The following GLI1 variants were observed in gnomAD, a reference collection of about 807,000 sequenced individuals.
GLI1 encodes transcription activator GLI1.
A neutral mutation model predicts 87.8 loss-of-function variants in GLI1; 51 were observed. The ratio of observed to expected loss-of-function variants is 0.58; its 90% CI spans 0.46 to 0.73. The LOEUF (loss-of-function observed/expected upper bound fraction) is 0.73. GLI1 is among the 30% of genes least tolerant of loss of function. GLI1 has a pLI of 0.00. For missense variants in GLI1, 1,292 were observed against 1,437.2 expected, an observed-to-expected ratio of 0.90 and a Z score of 1.63; for synonymous variants, 528 against 558.2, an observed-to-expected ratio of 0.95 and a Z score of 0.76.
intron 1 of GLI1, 135 bp from the exon 2 acceptor site, chr12:57,463,530 C>T (rs958502153): frequency 7.6e-5 from 50 of 653,656 alleles, no homozygotes; most frequent in Non-Finnish European, 1.3e-4. Flanking sequence ...ATGCTCTTTT[C>T]AACTCGAATT....
chr12:57,465,828 A>G lies in GLI1; in HGVS notation c.665A>G (p.Glu222Gly). Residue 222 changes from glutamate to glycine, a missense_variant, in exon 7 of 12, where the codon GAG (glutamate) becomes GGG (glycine). Physicochemically the swap from Glu to Gly is moderately conservative, Grantham distance 98. Transcript: ENST00000228682. ...ATGCTGGATGGGCGGGAGGACCTCG[A>G]GAGAGAGGAGAAGCGTGAGCCTGAA... Reference protein sequence around the residue: ...LGMLDGREDLEREEKREPESV... With the variant: ...LGMLDGREDLGREEKREPESV... 2 of 1,614,096 alleles carry G rather than the reference A, an allele frequency of 1.2e-6. No homozygotes were observed. The highest frequency in any genetic ancestry group is 2.2e-5 in the South Asian group (2 of 91,084).
intron 1 of GLI1, among the ~76,000 whole-genome samples, chr12:57,461,270 G>A (rs1214642543): frequency 1.3e-5 from 2 of 152,074 alleles, no homozygotes; most frequent in South Asian, 2.1e-4. Context: ...TTTCCCGGGG[G>A]ATATGTAAGG....
At position 57,465,262 on chromosome 12, in the gene GLI1, G is replaced by A. The variant is rs1871400322; in HGVS notation, c.534+7G>A. The A allele has an allele frequency of 1.9e-6, 3 of 1,603,936 alleles. No homozygotes were observed. In the African/African-American group the frequency reaches 4.0e-5, roughly 21 times the overall value. ...ACCCTTCCCAACTTGCCAGGTGAGA[G>A]TCCCCATATTGCTACCTGATTTCCC... On this transcript the variant is annotated splice_region_variant and intron_variant, in intron 5 of 11. Transcript: ENST00000228682.
chr12:57,465,592 C>A lies in GLI1; in HGVS notation c.535-15C>A. 6.2e-7 allele frequency: 1 copy of A among 1,608,120 alleles called. No homozygotes were observed. The highest frequency in any genetic ancestry group is 8.5e-7 in the Non-Finnish European group (1 of 1,174,840). On this transcript the variant is annotated splice_polypyrimidine_tract_variant and intron_variant, in intron 5 of 11. Coordinates refer to ENST00000228682, the MANE Select transcript of GLI1 (RefSeq NM_005269.3). Reference sequence around the variant, plus strand: ...ACTTCCACCCTCATCACCGTCACCTCTTCCCCTGGGGAAGCTGAAGTCTGA... The same window carrying A: ...ACTTCCACCCTCATCACCGTCACCTATTCCCCTGGGGAAGCTGAAGTCTGA...
intron 1 of GLI1, among the ~76,000 whole-genome samples, chr12:57,463,260 C>T (rs1871258655): frequency 6.6e-6 from 1 of 152,156 alleles, no homozygotes; most frequent in Non-Finnish European, 1.5e-5. Context: ...CTCTGTCACC[C>T]AGGCTGGAGT....
At chr12:57,463,374 T>C (rs1260305754) in intron 1 of GLI1, among the ~76,000 whole-genome samples, 2 of 152,186 alleles carry the variant, frequency 1.3e-5, no homozygotes, top group Non-Finnish European at 2.9e-5. Context: ...CCCGCCATCA[T>C]GACTGGCTAA....
At position 57,463,760 on chromosome 12, in the gene GLI1, C is replaced by A; in HGVS notation, c.69C>A (p.Pro23=). The part of the protein sequence containing the change: ...YGEPCCLRPL[P]SQGAPSVGTE... ...AGCCCTGCTGTCTCCGGCCCCTCCC[C>A]AGTCAGGGGGCCCCCAGTGTGGGGA... is the stretch of plus-strand genomic sequence containing the variant. The change falls in exon 2 of 12, where the codon CCC becomes CCA. Residue 23 remains proline (P), a synonymous_variant. Coordinates refer to ENST00000228682, the MANE Select transcript of GLI1 (RefSeq NM_005269.3). The A allele has an allele frequency of 2.5e-6, 4 of 1,609,138 alleles. No homozygotes were observed. The highest frequency in any genetic ancestry group is 3.4e-6 in the Non-Finnish European group (4 of 1,178,034).
At chr12:57,467,312 T>C in intron 8 of GLI1, 21 bp from the exon 9 acceptor site, 1 of 1,588,316 alleles carries the variant, frequency 6.3e-7, no homozygotes, top group Non-Finnish European at 8.6e-7. Context: ...AACTATCCTT[T>C]GACCCCTGCA....
rs187801614 is a variant in GLI1 at position 57,463,453 on chromosome 12, G to A, written c.-27-212G>A. ...GGCTGGTCTTCAACTGACCTCAGGTGATCCTCCCGCCTCAGCCTCTCAAAG... is the reference window on the plus strand; with the variant it reads ...GGCTGGTCTTCAACTGACCTCAGGTAATCCTCCCGCCTCAGCCTCTCAAAG... On this transcript the variant is annotated intron_variant, in intron 1 of 11. Transcript: ENST00000228682. Among the ~76,000 whole-genome samples the A allele has an allele frequency of 9.5e-4, 145 of 152,240 alleles. 2 individuals carry two copies. Among genetic ancestry groups the A allele is most frequent in the Non-Finnish European group, 9.3e-4 (63 of 68,028 alleles).
intron 1 of GLI1, 103 bp from the exon 2 acceptor site, chr12:57,463,562 G>A (rs1304987245): frequency 2.9e-6 from 2 of 699,222 alleles, no homozygotes; most frequent in African/African-American, 3.5e-5. Context: ...GTCTTAGAGG[G>A]GTGGGGGATA....
At chr12:57,466,751 A>C (rs942482896) in intron 8 of GLI1, among the ~76,000 whole-genome samples, 1 of 152,016 alleles carries the variant, frequency 6.6e-6, no homozygotes, top group East Asian at 1.9e-4. Context: ...AAAAAATATA[A>C]AAATTAGCTG....
chr12:57,467,912 T>G (rs1871603320), intron 9 of GLI1, 82 bp from the exon 10 acceptor site: 1 of 961,640 alleles, frequency 1.0e-6, no homozygotes, highest in African/African-American at 1.6e-5. Context: ...CTGCCCCCTG[T>G]GTTGTCACCA....
intron 6 of GLI1, 25 bp downstream of exon 6, chr12:57,465,721 C>T (rs768555197): frequency 1.9e-6 from 3 of 1,613,118 alleles, no homozygotes; most frequent in Non-Finnish European, 2.5e-6. Context: ...AGGAGCTTTA[C>T]CTCTGGGACC....
intron 1 of GLI1, among the ~76,000 whole-genome samples, chr12:57,460,813 A>G (rs1043608559): frequency 1.3e-5 from 2 of 152,004 alleles, no homozygotes; most frequent in African/African-American, 4.8e-5. Context: ...TGAAGGCCCT[A>G]GAATGACCCC....
Position 57,472,114 on chromosome 12 carries a change from C to A in GLI1, c.*53C>A. ...TCGCATTTCCTAAGGGGTTTCTATC[C>A]TTCCAGAAAAATTGGGGGAGCTGCA... On this transcript the variant is annotated 3_prime_UTR_variant, in exon 12 of 12. Coordinates refer to ENST00000228682, the MANE Select transcript of GLI1 (RefSeq NM_005269.3). 2 of 1,315,058 alleles carry A rather than the reference C, an allele frequency of 1.5e-6. No individual in the cohort carries two copies. Among genetic ancestry groups the A allele is most frequent in the South Asian group, 3.1e-5 (2 of 63,690 alleles). 81.5% of individuals were successfully genotyped at this position (1,315,058 alleles called of 1,614,324 possible).
chr12:57,463,910 A>C, intron 2 of GLI1, 89 bp from the exon 3 acceptor site: 2 of 1,156,664 alleles, frequency 1.7e-6, no homozygotes, highest in Non-Finnish European at 2.6e-6. Context: ...TGTCATATGG[A>C]CCTGGAATCT....
chr12:57,460,354 T>A (rs1871052137), intron 1 of GLI1, 153 bp downstream of exon 1: 1 of 152,302 alleles, frequency 6.6e-6, no homozygotes, highest in Non-Finnish European at 1.5e-5. Flanking sequence ...AAACTCCAGA[T>A]TTTTCACTTG....
chr12:57,465,931 C>T lies in GLI1; in HGVS notation c.762+6C>T. The T allele has an allele frequency of 6.2e-7, 1 of 1,612,504 alleles. No individual in the cohort carries two copies. Among genetic ancestry groups the T allele is most frequent in the Non-Finnish European group, 8.5e-7 (1 of 1,178,662 alleles). On this transcript the variant is annotated splice_donor_region_variant and intron_variant, in intron 7 of 11. Coordinates refer to ENST00000228682, the MANE Select transcript of GLI1 (RefSeq NM_005269.3). ...CCCAAGAGCAGCTGGTGCACGTGAG[C>T]CCCAGGGGGTAACAGGAATGGCTAG... is the stretch of plus-strand genomic sequence containing the variant.
rs770240474 is a variant in GLI1, at chr12:57,466,294, G to A, written c.817G>A (p.Gly273Arg). Residue 273 changes from glycine (G) to arginine (R), a missense_variant, in exon 8 of 12, where the codon GGG becomes AGG. By Grantham distance (125) the Gly-to-Arg change is moderately radical. Transcript: ENST00000228682. ...GCGGAAGGAGTTCGTGTGCCACTGG[G>A]GGGGCTGCTCCAGGGAGCTGAGGCC... ...GERKEFVCHW[G>R]GCSRELRPFK... The A allele has an allele frequency of 6.2e-7, 1 of 1,614,012 alleles. No homozygotes were observed. Among genetic ancestry groups the A allele is most frequent in the Non-Finnish European group, 8.5e-7 (1 of 1,179,934 alleles).
Sources: gnomAD v4.1 joint callset for allele counts (sites outside exome capture counted in the v4.1 genomes callset) on GRCh38, gnomAD v4.1.1 for gene constraint, MANE v1.5 for transcripts, NCBI Gene and HGNC (gene_info 2026-07-23, HGNC 2026-07-21) for gene names.